NPY4R: variants seen among roughly 807,000 people sequenced by gnomAD.
NPY4R encodes neuropeptide Y receptor Y4.
A neutral mutation model predicts 11.9 loss-of-function variants in NPY4R; 2 were observed. That is an observed-to-expected ratio of 0.17 (90% CI 0.07 to 0.53). The LOEUF is 0.53. NPY4R is among the 20% of genes least tolerant of loss of function. The pLI is 0.94. For synonymous variants in NPY4R, 8 were observed against 121.7 expected, an observed-to-expected ratio of 0.07 and a Z score of 6.15; for missense variants, 26 against 280.2, an observed-to-expected ratio of 0.09 and a Z score of 6.48.
chr10:46,467,399 T>A, upstream of NPY4R, among the ~76,000 whole-genome samples: 1 of 133,510 alleles, frequency 7.5e-6, no homozygotes, highest in South Asian at 2.5e-4. Context: ...TTCTGGACCA[T>A]GCTCCTTCCT....
At chr10:46,466,220 TTTCTTTCTTTCTTTCTTTCTTTC>T (rs1841025690), upstream of NPY4R, among the ~76,000 whole-genome samples, 1 of 65,486 alleles carries the variant, frequency 1.5e-5, no homozygotes, top group Non-Finnish European at 2.9e-5. Flanking sequence ...TCTTTCTTTC[TTTCTTTCTTTCTTTCTTTCTTTC>T]TTTCTTTCTT....
At chr10:46,466,192 T>TTTCTTCC (rs1565142206), upstream of NPY4R, among the ~76,000 whole-genome samples, 2 of 20,786 alleles carry the variant, frequency 9.6e-5, no homozygotes, top group African/African-American at 2.3e-4. Context: ...TCTTTCTTTC[T>TTTCTTCC]TTCTTTCTTT....
chr10:46,466,243 CTTTCTTTCTTTCT>C (rs1841033356), upstream of NPY4R, among the ~76,000 whole-genome samples: 10 of 69,300 alleles, frequency 1.4e-4, no homozygotes, highest in Admixed American at 4.4e-4. Context: ...TTCTTTCTTT[CTTTCTTTCTTTCT>C]TTCTTTCCTT....
upstream of NPY4R, among the ~76,000 whole-genome samples, chr10:46,466,183 CTTTCTTTCTT>C (rs1210374845): frequency 0.063 from 5,921 of 93,462 alleles, 1,272 homozygotes; most frequent in East Asian, 0.13. Flanking sequence ...GTCTTTCTCT[CTTTCTTTCTT>C]TCTTTCTTTC....
At chr10:46,466,303 CCTCCCTCCCCCTCCCTCT>C (rs1841051376), upstream of NPY4R, among the ~76,000 whole-genome samples, 1 of 122,470 alleles carries the variant, frequency 8.2e-6, no homozygotes, top group Non-Finnish European at 1.7e-5. Context: ...TCTCTCTCTC[CCTCCCTCCCCCTCCCTCT>C]CTCCCTCCCT....
intron 1 of NPY4R, among the ~76,000 whole-genome samples, chr10:46,464,198 G>A (rs1280051337): frequency 3.3e-5 from 5 of 151,980 alleles, no homozygotes; most frequent in East Asian, 1.9e-4. Context: ...GTGAAACCCC[G>A]TCTCCGCTGA....
chr10:46,466,269 TTTCTTTC>T (rs2133082709), upstream of NPY4R, among the ~76,000 whole-genome samples: 1 of 87,246 alleles, frequency 1.1e-5, no homozygotes, highest in African/African-American at 6.5e-5. Flanking sequence ...CTTTCCTTTC[TTTCTTTC>T]TTTCTTTCTC....
upstream of NPY4R, among the ~76,000 whole-genome samples, chr10:46,466,268 CTTTCTT>C (rs1841044589): frequency 2.0e-4 from 13 of 65,500 alleles, no homozygotes; most frequent in African/African-American, 7.7e-4. Flanking sequence ...TCTTTCCTTT[CTTTCTT>C]TCTTTCTTTC....
upstream of NPY4R, among the ~76,000 whole-genome samples, chr10:46,466,261 TTCCTTTCTTTCTTTCTTTCTTTCTCTC>T (rs1841041723): frequency 4.8e-5 from 3 of 62,788 alleles, 1 homozygote; most frequent in African/African-American, 2.8e-4. Context: ...CTTTCTTTCT[TTCCTTTCTTTCTTTCTTTCTTTCTCTC>T]TCTCTCTCTC....
At chr10:46,466,176 T>TC, upstream of NPY4R, among the ~76,000 whole-genome samples, 3 of 15,190 alleles carry the variant, frequency 2.0e-4, no homozygotes, top group Admixed American at 8.1e-4. Flanking sequence ...CTGCGCTGTC[T>TC]TTCTCTCTTT....
chr10:46,466,173 G>GTCTTTCTCTCTCTT (rs1841014341), upstream of NPY4R, among the ~76,000 whole-genome samples: 27 of 21,454 alleles, frequency 1.3e-3, no homozygotes, highest in South Asian at 0.021. Flanking sequence ...GAGCTGCGCT[G>GTCTTTCTCTCTCTT]TCTTTCTCTC....
At chr10:46,466,173 G>GTCTTTCTCTCTCTTTCTT (rs1841014341), upstream of NPY4R, among the ~76,000 whole-genome samples, 1 of 21,436 alleles carries the variant, frequency 4.7e-5, no homozygotes, top group Non-Finnish European at 1.1e-4. Flanking sequence ...GAGCTGCGCT[G>GTCTTTCTCTCTCTTTCTT]TCTTTCTCTC....
At position 46,462,512 on chromosome 10, in the gene NPY4R, C is replaced by T; in HGVS notation, c.124G>A (p.Val42Ile). 1 of 1,614,218 alleles carries T rather than the reference C, an allele frequency of 6.2e-7. No homozygotes were observed. The highest frequency in any genetic ancestry group is 8.5e-7 in the Non-Finnish European group (1 of 1,180,042). Residue 42 changes from valine (V) to isoleucine (I), a missense_variant, in exon 3 of 3, where the codon GTC becomes ATC. By Grantham distance (29) the Val-to-Ile change is conservative. Coordinates refer to ENST00000374312, the MANE Select transcript of NPY4R (RefSeq NM_005972.6). The part of the protein sequence containing the change: ...EHCQDSVDVM[V>I]FIVTSYSIET... ...ATGCTGTAGGAAGTGACGATGAAGACCATCACGTCCACGGAATCCTGGCAA... is the reference window on the plus strand; with the variant it reads ...ATGCTGTAGGAAGTGACGATGAAGATCATCACGTCCACGGAATCCTGGCAA...
At chr10:46,466,132 G>A (rs1841012652), upstream of NPY4R, among the ~76,000 whole-genome samples, 2 of 148,336 alleles carry the variant, frequency 1.3e-5, no homozygotes, top group African/African-American at 4.9e-5. Flanking sequence ...TGTCTCTCAC[G>A]CCCACCTCAA....
chr10:46,466,279 TCTTTCTC>T (rs1841047897), upstream of NPY4R, among the ~76,000 whole-genome samples: 5,897 of 71,942 alleles, frequency 0.082, 528 homozygotes, highest in Non-Finnish European at 0.11. Flanking sequence ...TTTCTTTCTT[TCTTTCTC>T]TCTCTCTCTC....
chr10:46,466,256 TTTCTTTCCTTTCTTTCTTTC>T (rs1841039562), upstream of NPY4R, among the ~76,000 whole-genome samples: 26 of 70,618 alleles, frequency 3.7e-4, no homozygotes, highest in African/African-American at 1.8e-3. Flanking sequence ...TCTTTCTTTC[TTTCTTTCCTTTCTTTCTTTC>T]TTTCTTTCTC....
At chr10:46,466,122 T>C, upstream of NPY4R, among the ~76,000 whole-genome samples, 1 of 147,700 alleles carries the variant, frequency 6.8e-6, no homozygotes, top group Non-Finnish European at 1.5e-5. Context: ...TGCCTGCGTG[T>C]GTCTCTCACG....
chr10:46,465,973 G>C (rs375082775), upstream of NPY4R: 307 of 156,420 alleles, frequency 2.0e-3, no homozygotes, highest in African/African-American at 6.7e-3. Flanking sequence ...CGGCTGCTAC[G>C]CTCCCGCCTG....
upstream of NPY4R, among the ~76,000 whole-genome samples, chr10:46,468,039 T>C (rs1358484537): frequency 0.35 from 40,317 of 115,738 alleles, 3,345 homozygotes; most frequent in Non-Finnish European, 0.44. Flanking sequence ...TCCATCCTCA[T>C]GCCTAACTGG....
Sources: gnomAD v4.1 joint callset for allele counts (sites outside exome capture counted in the v4.1 genomes callset) on GRCh38, gnomAD v4.1.1 for gene constraint, MANE v1.5 for transcripts, NCBI Gene and HGNC (gene_info 2026-07-23, HGNC 2026-07-21) for gene names.